PPM1B: variants seen among roughly 807,000 people sequenced by gnomAD.
The protein encoded by PPM1B is protein phosphatase, Mg2+/Mn2+ dependent 1B.
Under a neutral mutation model 43.0 loss-of-function variants are expected in PPM1B, and 22 were observed. The ratio of observed to expected loss-of-function variants is 0.51; its 90% CI spans 0.37 to 0.73. The LOEUF (loss-of-function observed/expected upper bound fraction) is 0.73. PPM1B is among the 30% of genes least tolerant of loss of function. PPM1B has a pLI of 0.00. For missense variants in PPM1B, 632 were observed against 584.2 expected (o/e 1.08, Z -0.84); for synonymous variants, 217 against 197.9 (o/e 1.10, Z -0.81).
At chr2:44,197,708 GTTCGAT>G (rs906717995) in intron 1 of PPM1B, among the ~76,000 whole-genome samples, 1 of 152,092 alleles carries the variant, frequency 6.6e-6, no homozygotes, top group Non-Finnish European at 1.5e-5. Context: ...GTCTTAATAG[GTTCGAT>G]TTCTGATTAG....
intron 1 of PPM1B, among the ~76,000 whole-genome samples, chr2:44,180,986 C>T (rs1667846594): frequency 6.6e-6 from 1 of 152,078 alleles, no homozygotes; most frequent in African/African-American, 2.4e-5. Context: ...GGGACTTGCT[C>T]TTTTGCCCAG....
chr2:44,194,900 T>G (rs1370225288), intron 1 of PPM1B, among the ~76,000 whole-genome samples: 1 of 145,260 alleles, frequency 6.9e-6, no homozygotes, highest in Non-Finnish European at 1.5e-5. Flanking sequence ...GTCTTTTGCT[T>G]TTTTTTTTTT....
chr2:44,217,967 A>C lies in PPM1B; in HGVS notation c.965A>C (p.Glu322Ala). ...GGAACTTTTTTTAAAAAACCTACAGAGATTATGGAGAAGTCTGGCGAGGAA... is the reference window on the plus strand; with the variant it reads ...GGAACTTTTTTTAAAAAACCTACAGCGATTATGGAGAAGTCTGGCGAGGAA... ...LDKHLESRVE[E>A]IMEKSGEEGM... Residue 322 changes from glutamate (E) to alanine (A), a missense_variant and splice_region_variant, in exon 4 of 6, where the codon GAG (glutamate) becomes GCG (alanine). This residue lies in a region of PPM1B where 392 missense variants were observed against 302.7 expected (regional missense o/e 1.29). Coordinates refer to ENST00000282412, the MANE Select transcript of PPM1B (RefSeq NM_002706.6). The C allele has an allele frequency of 6.3e-7, 1 of 1,581,834 alleles. No homozygotes were observed.
At position 44,230,964 on chromosome 2, in the gene PPM1B, C is replaced by G; in HGVS notation, c.*246C>G. 6 of 1,093,298 alleles carry G rather than the reference C, an allele frequency of 5.5e-6. No homozygotes were observed. Among genetic ancestry groups the G allele is most frequent in the Non-Finnish European group, 6.8e-6 (6 of 883,862 alleles). 67.7% of individuals were successfully genotyped at this position (1,093,298 alleles called of 1,614,324 possible). ...TTCACATTGTATGCCAGAAATTAGG[C>G]TACCAATTATGAATTAAAGTCAGTA... On this transcript the variant is annotated 3_prime_UTR_variant, in exon 6 of 6. Transcript: ENST00000282412.
chr2:44,170,638 T>G (rs1203169015), intron 1 of PPM1B, among the ~76,000 whole-genome samples: 1 of 152,220 alleles, frequency 6.6e-6, no homozygotes, highest in Non-Finnish European at 1.5e-5. Flanking sequence ...TGTTATTTCA[T>G]TTACTTTCTC....
chr2:44,230,933 T>C lies in PPM1B; in HGVS notation c.*215T>C, dbSNP rs1005115762. The C allele has an allele frequency of 3.4e-6, 4 of 1,169,422 alleles. No individual in the cohort carries two copies. Among genetic ancestry groups the C allele is most frequent in the Non-Finnish European group, 4.3e-6 (4 of 932,426 alleles). 72.4% of individuals were successfully genotyped at this position (1,169,422 alleles called of 1,614,324 possible). On this transcript the variant is annotated 3_prime_UTR_variant, in exon 6 of 6. Coordinates refer to ENST00000282412, the MANE Select transcript of PPM1B (RefSeq NM_002706.6). ...GTACTATGGATTTAATGAAATTATA[T>C]GTCATTTCACATTGTATGCCAGAAA...
At chr2:44,232,447 C>T, downstream of PPM1B, 13 of 1,567,372 alleles carry the variant, frequency 8.3e-6, no homozygotes, top group Non-Finnish European at 1.1e-5. Context: ...TTGCGGATTC[C>T]CAACGTTTTG....
At chr2:44,213,156 ATAATCT>A (rs1342902168) in intron 3 of PPM1B, among the ~76,000 whole-genome samples, 4 of 142,194 alleles carry the variant, frequency 2.8e-5, no homozygotes, top group Non-Finnish European at 6.0e-5. Context: ...GCTAAGTATC[ATAATCT>A]TAATATAACC....
Position 44,230,056 on chromosome 2 carries a change from A to G in PPM1B, c.1135-357A>G, listed in dbSNP as rs374780306. On this transcript the variant is annotated intron_variant, in intron 5 of 5. Transcript: ENST00000282412. ...CTGTCCTTTTCCTACTGCTTTAAAC[A>G]TTGATTTTCTTTTGTACTAAATCAT... 26 of 1,562,462 alleles carry G rather than the reference A, an allele frequency of 1.7e-5. No individual in the cohort carries two copies. In the African/African-American group the frequency reaches 2.4e-4, roughly 15 times the overall value.
chr2:44,238,156 G>C (rs1670668680), downstream of PPM1B, among the ~76,000 whole-genome samples: 1 of 152,006 alleles, frequency 6.6e-6, no homozygotes, highest in East Asian at 1.9e-4. Flanking sequence ...GCCCGCCTTG[G>C]CCTCCTGAAG....
chr2:44,193,266 A>G (rs1668493400), intron 1 of PPM1B, among the ~76,000 whole-genome samples: 1 of 152,164 alleles, frequency 6.6e-6, no homozygotes, highest in Admixed American at 6.5e-5. Flanking sequence ...CAGGTGTGAG[A>G]TGATATGTCA....
At chr2:44,205,350 TGTGG>T (rs781714158) in intron 2 of PPM1B, among the ~76,000 whole-genome samples, 2,234 of 146,654 alleles carry the variant, frequency 0.015, 24 homozygotes, top group East Asian at 0.031. Flanking sequence ...TGGGTGTGGG[TGTGG>T]GTGTGTGTGT....
At position 44,201,735 on chromosome 2, in the gene PPM1B, GA is replaced by G. The variant is rs1668948547; in HGVS notation, c.538del (p.Ile180SerfsTer8). ...HKPCNPREKE[R>X]IQNAGGSVMI... The stretch of plus-strand genomic sequence containing the variant: ...CCTTGCAATCCAAGGGAAAAGGAGC[GA>G]ATCCAAAATGCAGGAGGCAGCGTGA... On this transcript the variant is annotated frameshift_variant, in exon 2 of 6. Transcript: ENST00000282412. LOFTEE classifies it high-confidence loss of function. This position sits in a 1 kb window ranked among gnomAD's most constrained non-coding sequence, Gnocchi z 5.4. The G allele has an allele frequency of 6.2e-7, 1 of 1,614,060 alleles. No individual in the cohort carries two copies. Among genetic ancestry groups the G allele is most frequent in the Non-Finnish European group, 8.5e-7 (1 of 1,180,030 alleles).
At chr2:44,172,906 C>T (rs1558383438) in intron 1 of PPM1B, among the ~76,000 whole-genome samples, 1 of 152,230 alleles carries the variant, frequency 6.6e-6, no homozygotes, top group Non-Finnish European at 1.5e-5. Flanking sequence ...AACCACGCCT[C>T]TATTTTTTAA....
At chr2:44,236,780 G>T (rs1044008489), downstream of PPM1B, among the ~76,000 whole-genome samples, 2 of 152,096 alleles carry the variant, frequency 1.3e-5, no homozygotes, top group Non-Finnish European at 2.9e-5. Context: ...TTGAATTTAA[G>T]GTTATATTTT....
intron 1 of PPM1B, among the ~76,000 whole-genome samples, chr2:44,188,662 C>G (rs1668245063): frequency 6.6e-6 from 1 of 151,974 alleles, no homozygotes; most frequent in South Asian, 2.1e-4. Context: ...TTCCAAAGTG[C>G]TAGGATTACA....
chr2:44,222,484 G>C (rs1330112422), intron 5 of PPM1B, among the ~76,000 whole-genome samples: 2 of 152,156 alleles, frequency 1.3e-5, no homozygotes, highest in Admixed American at 1.3e-4. Context: ...AGTTGCACAA[G>C]TTGGTAATTT....
chr2:44,210,365 C>T (rs1295197958), intron 3 of PPM1B, among the ~76,000 whole-genome samples: 4 of 151,948 alleles, frequency 2.6e-5, no homozygotes, highest in African/African-American at 4.8e-5. Flanking sequence ...ACTACAGGCA[C>T]GTGCCACCAC....
At chr2:44,199,282 G>A (rs1356321523) in intron 1 of PPM1B, among the ~76,000 whole-genome samples, 2 of 143,766 alleles carry the variant, frequency 1.4e-5, no homozygotes, top group South Asian at 2.2e-4. Flanking sequence ...GCCGGGTGTG[G>A]TGGCACGTGC....
Sources: allele counts gnomAD v4.1 joint callset (sites outside exome capture counted in the v4.1 genomes callset), GRCh38; gene constraint gnomAD v4.1.1; regional missense constraint gnomAD v4.1.1; non-coding constraint Gnocchi (gnomAD v3.1); transcripts MANE v1.5; gene names NCBI Gene and HGNC (gene_info 2026-07-23, HGNC 2026-07-21).